Variants in NUP107 observed in about 807,000 individuals in gnomAD.
NUP107 encodes the protein nucleoporin 107.
In NUP107, 101 loss-of-function variants were observed where a neutral mutation model predicts 141.0. The ratio of observed to expected loss-of-function variants is 0.72; its 90% CI spans 0.61 to 0.84. NUP107 has a LOEUF of 0.84. NUP107 is among the 40% of genes least tolerant of loss of function. The probability of loss-of-function intolerance (pLI) is 0.00; values close to 1 mark genes in which losing one functional copy is unlikely to be tolerated. For missense variants in NUP107, 941 were observed against 1,102.7 expected, an observed-to-expected ratio of 0.85 and a Z score of 2.08; for synonymous variants, 319 against 363.9, an observed-to-expected ratio of 0.88 and a Z score of 1.41.
At position 68,690,762 on chromosome 12, in the gene NUP107, G is replaced by A. The variant is rs1435494770; in HGVS notation, c.303+16G>A. 1.2e-6 allele frequency: 2 copies of A among 1,613,282 alleles called. No individual in the cohort carries two copies. Among genetic ancestry groups the A allele is most frequent in the East Asian group, 2.2e-5 (1 of 44,874 alleles). On this transcript the variant is annotated intron_variant, in intron 4 of 27. Coordinates refer to ENST00000229179, the MANE Select transcript of NUP107 (RefSeq NM_020401.4). The stretch of plus-strand genomic sequence containing the variant: ...TCTCTCCATGGTATGTAGAAAAATA[G>A]GGCTAAGAACTCCTTTTGGGTCGAG...
rs1053842057 is a variant in NUP107, at chr12:68,719,618, C to G, written c.1215C>G (p.Arg405=). Residue 405 remains arginine (R), a synonymous_variant, in exon 14 of 28, where the codon CGC becomes CGG. Coordinates refer to ENST00000229179, the MANE Select transcript of NUP107 (RefSeq NM_020401.4). ...LEPVEGNPYR[R]IWKISCWRMA... ...CTGTTGAAGGGAATCCATATAGACGCATTTGGAAAATAAGTTGCTGGAGAA... is the reference window on the plus strand; with the variant it reads ...CTGTTGAAGGGAATCCATATAGACGGATTTGGAAAATAAGTTGCTGGAGAA... The G allele has an allele frequency of 6.2e-7, 1 of 1,612,984 alleles. No individual in the cohort carries two copies. Among genetic ancestry groups the G allele is most frequent in the East Asian group, 2.2e-5 (1 of 44,830 alleles).
intron 1 of NUP107, chr12:68,687,341 C>T (rs910845079): frequency 1.3e-6 from 1 of 743,784 alleles, no homozygotes; most frequent in Non-Finnish European, 1.9e-6. Flanking sequence ...ACACTGTTCG[C>T]TCCTGGGGTG....
intron 20 of NUP107, among the ~76,000 whole-genome samples, chr12:68,728,285 CA>C (rs553304592): frequency 0.4 from 33,862 of 84,294 alleles, 3,608 homozygotes; most frequent in Middle Eastern, 0.44. Context: ...GAGACCATCT[CA>C]AAAAAAAAAA....
intron 26 of NUP107, among the ~76,000 whole-genome samples, chr12:68,738,381 G>T (rs1217888054): frequency 1.3e-5 from 2 of 151,820 alleles, no homozygotes; most frequent in East Asian, 3.9e-4. Flanking sequence ...ACCCAGGGAG[G>T]CGGAGGTTTC....
intron 1 of NUP107, among the ~76,000 whole-genome samples, chr12:68,688,328 C>T (rs1170134006): frequency 1.3e-5 from 2 of 152,158 alleles, no homozygotes; most frequent in Non-Finnish European, 2.9e-5. Context: ...TAAACACAGG[C>T]CTTTTAGTCC....
Position 68,688,964 on chromosome 12 carries a change from G to A in NUP107, c.11G>A (p.Ser4Asn), listed in dbSNP as rs1158217219. 7 of 1,609,406 alleles carry A rather than the reference G, an allele frequency of 4.3e-6. No individual in the cohort carries two copies. Among genetic ancestry groups the A allele is most frequent in the Non-Finnish European group, 5.9e-6 (7 of 1,176,772 alleles). MDR[S>N]GFGEISSPVI... The stretch of plus-strand genomic sequence containing the variant: ...TAAGCTTGATTATACTACTTTAGGA[G>A]TGGCTTTGGAGAGATATCATCCCCT... Residue 4 changes from serine to asparagine, a missense_variant and splice_region_variant, in exon 2 of 28, where the codon AGT becomes AAT. By Grantham distance (46) the Ser-to-Asn change is conservative. Transcript: ENST00000229179.
intron 8 of NUP107, chr12:68,706,748 G>T: frequency 1.3e-6 from 1 of 759,728 alleles, no homozygotes; most frequent in Non-Finnish European, 2.5e-6. Flanking sequence ...GGAGTACCAG[G>T]AGCTGATGAA....
Position 68,722,151 on chromosome 12 carries a change from A to T in NUP107, c.1505A>T (p.Lys502Met). 6.2e-7 allele frequency: 1 copy of T among 1,613,090 alleles called. No homozygotes were observed. Among genetic ancestry groups the T allele is most frequent in the Non-Finnish European group, 8.5e-7 (1 of 1,179,240 alleles). Residue 502 changes from lysine (K) to methionine (M), a missense_variant and splice_region_variant, in exon 17 of 28, where the codon AAG becomes ATG. By Grantham distance (95) the Lys-to-Met change is moderately conservative (BLOSUM62 -1). Transcript: ENST00000229179. ...GAGGAACTTCAAGCTACTGACAAAA[A>T]GGTAAATGTTAATAGGAATATGTTA... ...VFEELQATDK[K>M]RVLEENQEHY...
intron 8 of NUP107, among the ~76,000 whole-genome samples, chr12:68,708,242 A>G (rs1467417645): frequency 6.6e-6 from 1 of 152,146 alleles, no homozygotes; most frequent in African/African-American, 2.4e-5. Context: ...GGTTTCAGTT[A>G]GTCTAACTTA....
rs1336188654 is a variant in NUP107, at chr12:68,733,544, A to G, written c.2194A>G (p.Met732Val). The G allele has an allele frequency of 6.2e-7, 1 of 1,613,872 alleles. No homozygotes were observed. Among genetic ancestry groups the G allele is most frequent in the Non-Finnish European group, 8.5e-7 (1 of 1,179,848 alleles). Residue 732 changes from methionine to valine, a missense_variant, in exon 24 of 28, where the codon ATG becomes GTG. Transcript: ENST00000229179. ...EIYNQCEEQG[M>V]ESPLPAEDDN... ...CTATAATCAGTGCGAGGAACAAGGA[A>G]TGGAAAGTCCACTTCCTGCTGAAGA...
chr12:68,719,444 AT>A lies in NUP107; in HGVS notation c.1174+17del, dbSNP rs200616275. On this transcript the variant is annotated intron_variant, in intron 13 of 27. Transcript: ENST00000229179. ...AATGTTAATGGAGGTATTTTAGTAG[AT>A]TTTATTCTGACAGTTGAGGACAAAG... is the stretch of plus-strand genomic sequence containing the variant. 20,166 of 1,609,606 alleles carry A rather than the reference AT, an allele frequency of 0.013. 167 individuals are homozygous for A. The highest frequency in any genetic ancestry group is 0.02 in the South Asian group (1,780 of 90,896).
intron 8 of NUP107, chr12:68,707,040 T>C (rs1444974510): frequency 5.0e-6 from 3 of 597,744 alleles, no homozygotes; most frequent in South Asian, 3.8e-5. Context: ...GGAAAGCTAG[T>C]GTCTGAGTCG....
chr12:68,728,329 C>T (rs1328396351), intron 20 of NUP107, among the ~76,000 whole-genome samples: 2 of 148,768 alleles, frequency 1.3e-5, no homozygotes, highest in Non-Finnish European at 3.0e-5. Flanking sequence ...TGGTGGCTTG[C>T]GCCTGTAATC....
intron 1 of NUP107, among the ~76,000 whole-genome samples, chr12:68,688,068 G>A (rs564540457): frequency 2.6e-5 from 4 of 152,212 alleles, no homozygotes; most frequent in African/African-American, 4.8e-5. Flanking sequence ...GTCACATGCA[G>A]TATACGTTTA....
At chr12:68,687,099 C>T (rs202182252) in intron 1 of NUP107, 26 bp downstream of exon 1, 1 of 1,613,630 alleles carries the variant, frequency 6.2e-7, no homozygotes, top group East Asian at 2.2e-5. Context: ...GGCAGCTGAG[C>T]CCGAAGTCTT....
In NUP107 at chr12:68,741,871, T is replaced by C; in HGVS notation, c.2561T>C (p.Leu854Pro). Residue 854 changes from leucine to proline, a missense_variant, in exon 27 of 28, where the codon CTG (leucine) becomes CCG (proline). Physicochemically the swap from Leu to Pro is moderately conservative, Grantham distance 98 (BLOSUM62 -3). Transcript: ENST00000229179. ...ATGGTCTTACTGAGAAAGCTTTGTCTGCCAATGTTGTGTTTTCTGCTTCAT... is the reference window on the plus strand; with the variant it reads ...ATGGTCTTACTGAGAAAGCTTTGTCCGCCAATGTTGTGTTTTCTGCTTCAT... ...HQMVLLRKLCLPMLCFLLHTI... is the reference protein window; with the variant it reads ...HQMVLLRKLCPPMLCFLLHTI... 1 of 1,614,078 alleles carries C rather than the reference T, an allele frequency of 6.2e-7. No homozygotes were observed. Among genetic ancestry groups the C allele is most frequent in the Non-Finnish European group, 8.5e-7 (1 of 1,179,984 alleles).
chr12:68,739,563 C>T (rs191652532), intron 26 of NUP107, among the ~76,000 whole-genome samples: 34 of 152,176 alleles, frequency 2.2e-4, no homozygotes, highest in South Asian at 1.2e-3. Flanking sequence ...CATGGGGGGG[C>T]GCGGTGGCTC....
intron 26 of NUP107, among the ~76,000 whole-genome samples, chr12:68,737,195 T>A (rs1473547845): frequency 1.3e-5 from 2 of 152,230 alleles, no homozygotes; most frequent in Non-Finnish European, 2.9e-5. Flanking sequence ...TATTTATACA[T>A]ACATCTTTGC....
chr12:68,706,557 A>G (rs1386006766), intron 8 of NUP107: 1 of 679,696 alleles, frequency 1.5e-6, no homozygotes, highest in Non-Finnish European at 2.7e-6. Flanking sequence ...GATCTCCAAG[A>G]TGAACAGGAA....
Sources: gnomAD v4.1 joint callset for allele counts (sites outside exome capture counted in the v4.1 genomes callset) on GRCh38, gnomAD v4.1.1 for gene constraint, MANE v1.5 for transcripts, NCBI Gene and HGNC (gene_info 2026-07-23, HGNC 2026-07-21) for gene names.